Variants in CYP2C18 observed in about 807,000 individuals in gnomAD.
CYP2C18 encodes the protein cytochrome P450 family 2 subfamily C member 18, also known as cytochrome P450 2C18.
CYP2C18 carries 38 observed loss-of-function variants against 41.3 expected under a neutral mutation model. That is an observed-to-expected ratio of 0.92 (90% CI 0.71 to 1.21). CYP2C18 has a LOEUF of 1.21. Ranked by LOEUF, CYP2C18 falls within the 50% of genes most tolerant of loss-of-function variation. The pLI is 0.00. For synonymous variants in CYP2C18, 236 were observed against 210.0 expected (o/e 1.12, Z -1.07); for missense variants, 635 against 591.4 (o/e 1.07, Z -0.77).
At chr10:94,692,980 A>G (rs1265541197) in intron 3 of CYP2C18, among the ~76,000 whole-genome samples, 2 of 151,314 alleles carry the variant, frequency 1.3e-5, no homozygotes, top group African/African-American at 4.8e-5. Flanking sequence ...ACATGGACAC[A>G]GGAAGGGGAA....
intron 4 of CYP2C18, among the ~76,000 whole-genome samples, chr10:94,696,072 C>T (rs1262325277): frequency 6.6e-6 from 1 of 152,136 alleles, no homozygotes; most frequent in Non-Finnish European, 1.5e-5. Flanking sequence ...CATAGCCAAA[C>T]AAAAGGCAGC....
intron 3 of CYP2C18, among the ~76,000 whole-genome samples, chr10:94,693,256 C>G (rs544128289): frequency 4.6e-5 from 7 of 152,012 alleles, no homozygotes; most frequent in Non-Finnish European, 1.0e-4. Context: ...TTAGTACCAT[C>G]CCTTTTGGTA....
In CYP2C18 at chr10:94,706,929, T is replaced by G. The variant is rs780495244; in HGVS notation, c.788T>G (p.Phe263Cys). ...CTGGACATGAACAGTGCTCGGGACT[T>G]TATTGATTGTTTCCTGATCAAAATG... ...ESLDMNSARDFIDCFLIKMEQ... is the reference protein window; with the variant it reads ...ESLDMNSARDCIDCFLIKMEQ... Residue 263 changes from phenylalanine to cysteine, a missense_variant, in exon 5 of 9, where the codon TTT becomes TGT. Transcript: ENST00000285979. 1 of 1,609,276 alleles carries G rather than the reference T, an allele frequency of 6.2e-7. No homozygotes were observed. Among genetic ancestry groups the G allele is most frequent in the South Asian group, 1.1e-5 (1 of 90,086 alleles).
Position 94,688,234 on chromosome 10 carries a change from G to A in CYP2C18, c.441G>A (p.Glu147=). The A allele has an allele frequency of 1.9e-6, 3 of 1,613,578 alleles. No individual in the cohort carries two copies. Among genetic ancestry groups the A allele is most frequent in the African/African-American group, 2.7e-5 (2 of 74,982 alleles). The change falls in exon 3 of 9, where the codon GAG becomes GAA. Residue 147 remains glutamate (E), a synonymous_variant. Coordinates refer to ENST00000285979, the MANE Select transcript of CYP2C18 (RefSeq NM_000772.3). ...GKRSIEDRVQ[E]EARCLVEELR... ...GGAGCATCGAGGACCGTGTTCAAGA[G>A]GAAGCCCGCTGCCTTGTGGAGGAGT...
intron 3 of CYP2C18, among the ~76,000 whole-genome samples, chr10:94,693,487 G>A (rs1312114693): frequency 1.3e-5 from 2 of 152,102 alleles, no homozygotes; most frequent in African/African-American, 2.4e-5. Context: ...AGCAATGCAA[G>A]AACAGCCTAA....
chr10:94,724,713 G>A (rs1046240998), intron 7 of CYP2C18, among the ~76,000 whole-genome samples, 180 bp downstream of exon 7: 7 of 152,050 alleles, frequency 4.6e-5, no homozygotes, highest in Admixed American at 2.6e-4. Context: ...ACAGGTCTCA[G>A]TATCTAGCAG....
chr10:94,726,034 T>C (rs764435533), intron 7 of CYP2C18, among the ~76,000 whole-genome samples: 15 of 152,126 alleles, frequency 9.9e-5, no homozygotes, highest in Admixed American at 2.0e-4. Context: ...TCATAAATTT[T>C]GGTTAAGTGC....
intron 3 of CYP2C18, 64 bp from the exon 4 acceptor site, chr10:94,694,853 A>C (rs1847082966): frequency 2.6e-6 from 4 of 1,539,798 alleles, no homozygotes; most frequent in Non-Finnish European, 3.5e-6. Context: ...TTTTTCCTGT[A>C]TCAAAGACAA....
chr10:94,704,048 C>T (rs927548801), intron 4 of CYP2C18, among the ~76,000 whole-genome samples: 4 of 152,130 alleles, frequency 2.6e-5, no homozygotes, highest in Non-Finnish European at 4.4e-5. Flanking sequence ...GTTTGCCATC[C>T]GTGGGCTGCA....
At chr10:94,698,988 T>C (rs1197010779) in intron 4 of CYP2C18, among the ~76,000 whole-genome samples, 1 of 152,104 alleles carries the variant, frequency 6.6e-6, no homozygotes, top group Non-Finnish European at 1.5e-5. Context: ...CAATAGTTAA[T>C]AACTTACCAA....
intron 5 of CYP2C18, among the ~76,000 whole-genome samples, chr10:94,714,857 G>A (rs1440734685): frequency 6.6e-6 from 1 of 152,092 alleles, no homozygotes; most frequent in African/African-American, 2.4e-5. Context: ...ATTTCATTGA[G>A]CAGTGGTTTG....
chr10:94,687,688 A>G, intron 1 of CYP2C18, 82 bp from the exon 2 acceptor site: 1 of 1,154,858 alleles, frequency 8.7e-7, no homozygotes, highest in Non-Finnish European at 1.2e-6. Context: ...CATTATGATG[A>G]TAATATCAGT....
At chr10:94,686,360 A>G (rs1359091795) in intron 1 of CYP2C18, among the ~76,000 whole-genome samples, 1 of 152,158 alleles carries the variant, frequency 6.6e-6, no homozygotes. Context: ...ATCCTTTCCT[A>G]CATGAATACA....
intron 5 of CYP2C18, among the ~76,000 whole-genome samples, chr10:94,716,041 A>AT (rs1847536350): frequency 6.6e-6 from 1 of 151,960 alleles, no homozygotes; most frequent in African/African-American, 2.4e-5. Flanking sequence ...CCCCTTTAAC[A>AT]TTTTTTATTG....
rs538312629 is a variant in CYP2C18, at chr10:94,697,149, G to A, written c.642+2072G>A. Among the ~76,000 whole-genome samples, 17 of 152,112 alleles carry A rather than the reference G, an allele frequency of 1.1e-4. No homozygotes were observed. The South Asian group carries it at 1.5e-3, about 13-fold the overall frequency. ...AGAGAATGCCACAAAGATACTCCTCGGGAAGAGCAACTCCAAGACACATAA... is the reference window on the plus strand; with the variant it reads ...AGAGAATGCCACAAAGATACTCCTCAGGAAGAGCAACTCCAAGACACATAA... On this transcript the variant is annotated intron_variant, in intron 4 of 8. Transcript: ENST00000285979.
At position 94,735,690 on chromosome 10, in the gene CYP2C18, A is replaced by G; in HGVS notation, c.*246A>G. ...TGTATTGACCACCACATATGCTAAT[A>G]CCTATCTACTGCTGAGTTGTCAGTA... is the stretch of plus-strand genomic sequence containing the variant. On this transcript the variant is annotated 3_prime_UTR_variant, in exon 9 of 9. Transcript: ENST00000285979. The G allele has an allele frequency of 2.0e-6, 1 of 498,422 alleles. No individual in the cohort carries two copies. The highest frequency in any genetic ancestry group is 3.6e-6 in the Non-Finnish European group (1 of 279,040). The allele number at this position is 498,422 out of a possible 1,614,324, so 30.9% of individuals were successfully genotyped here.
At chr10:94,727,049 T>A (rs979425981) in intron 7 of CYP2C18, among the ~76,000 whole-genome samples, 3 of 152,122 alleles carry the variant, frequency 2.0e-5, no homozygotes, top group Non-Finnish European at 4.4e-5. Flanking sequence ...GAAATGAATT[T>A]AAAATTTTAT....
At chr10:94,717,659 A>G (rs372408454) in intron 5 of CYP2C18, among the ~76,000 whole-genome samples, 1 of 152,022 alleles carries the variant, frequency 6.6e-6, no homozygotes, top group South Asian at 2.1e-4. Context: ...TCAGTGTTCA[A>G]TTTTATTCTT....
Position 94,711,671 on chromosome 10 carries a change from A to T in CYP2C18, c.819+4711A>T, listed in dbSNP as rs553659048. ...AGTATTCCTCCTGCCTCAGCTTCCG[A>T]CAGTGCTGGGATTTAAGGCATGAGC... On this transcript the variant is annotated intron_variant, in intron 5 of 8. Transcript: ENST00000285979. Among the ~76,000 whole-genome samples the T allele has an allele frequency of 5.3e-5, 8 of 152,158 alleles. No homozygotes were observed. The South Asian group carries it at 1.7e-3, about 32-fold the overall frequency.
Sources: allele counts gnomAD v4.1 joint callset (sites outside exome capture counted in the v4.1 genomes callset), GRCh38; gene constraint gnomAD v4.1.1; transcripts MANE v1.5; gene names NCBI Gene and HGNC (gene_info 2026-07-23, HGNC 2026-07-21).